The following NELL1 variants were observed in gnomAD, a reference collection of about 807,000 sequenced individuals.
NELL1 encodes protein kinase C-binding protein NELL1.
NELL1 carries 76 observed loss-of-function variants against 107.4 expected under a neutral mutation model. The observed-to-expected ratio is 0.71, with a 90% CI of 0.59 to 0.86. The LOEUF is 0.86. Among genes scored for constraint, NELL1 ranks in the 40% least tolerant of loss-of-function variants. The pLI is 0.00. For missense variants in NELL1, 1,024 were observed against 1,005.5 expected, an observed-to-expected ratio of 1.02 and a Z score of -0.25; for synonymous variants, 353 against 341.2, an observed-to-expected ratio of 1.03 and a Z score of -0.38.
intron 4 of NELL1, among the ~76,000 whole-genome samples, chr11:20,882,226 T>C (rs16906988): frequency 0.033 from 5,083 of 152,358 alleles, 164 homozygotes; most frequent in East Asian, 0.19. Context: ...GTTTGTGTTA[T>C]CAGCATTAGT....
At chr11:20,785,259 C>T (rs1011873592) in intron 3 of NELL1, among the ~76,000 whole-genome samples, 1 of 152,204 alleles carries the variant, frequency 6.6e-6, no homozygotes, top group Non-Finnish European at 1.5e-5. Flanking sequence ...TGTTCTCAGC[C>T]TCAAAGCGTG....
At chr11:21,555,394 G>A (rs745722896) in intron 16 of NELL1, among the ~76,000 whole-genome samples, 1 of 151,820 alleles carries the variant, frequency 6.6e-6, no homozygotes, top group African/African-American at 2.4e-5. Context: ...AGGGTCCCAC[G>A]GAAGCTTGCA....
intron 2 of NELL1, among the ~76,000 whole-genome samples, chr11:20,697,385 T>TAG (rs1854647345): frequency 6.9e-6 from 1 of 145,194 alleles, no homozygotes; most frequent in Non-Finnish European, 1.5e-5. Context: ...GCAAATTCTT[T>TAG]AATATGTTGC....
At chr11:21,070,709 G>A (rs1853991022) in intron 12 of NELL1, among the ~76,000 whole-genome samples, 1 of 152,084 alleles carries the variant, frequency 6.6e-6, no homozygotes, top group Non-Finnish European at 1.5e-5. Flanking sequence ...TATTATTTGA[G>A]TATAATGTTT....
chr11:21,287,309 A>G (rs1291513093), intron 14 of NELL1, among the ~76,000 whole-genome samples: 1 of 152,116 alleles, frequency 6.6e-6, no homozygotes. Flanking sequence ...CTGCAAGTAT[A>G]GCTTCCTAAC....
At chr11:21,317,354 CTTG>C (rs1849901176) in intron 14 of NELL1, among the ~76,000 whole-genome samples, 1 of 21,320 alleles carries the variant, frequency 4.7e-5, no homozygotes, top group Admixed American at 7.3e-4. Context: ...ATAAAGCTTC[CTTG>C]TTGTTTCATT....
intron 3 of NELL1, among the ~76,000 whole-genome samples, chr11:20,809,806 TTGTGAATAA>T: frequency 6.6e-6 from 1 of 152,356 alleles, no homozygotes; most frequent in Admixed American, 6.5e-5. Flanking sequence ...ATCTTGGCTA[TTGTGAATAA>T]TGCTATATGG....
chr11:21,420,351 A>G (rs534279266), intron 15 of NELL1, among the ~76,000 whole-genome samples: 1 of 152,000 alleles, frequency 6.6e-6, no homozygotes, highest in Admixed American at 6.6e-5. Context: ...AAAAGGAACA[A>G]AAATGATATA....
At chr11:21,250,820 G>A (rs1015840659) in intron 14 of NELL1, among the ~76,000 whole-genome samples, 2 of 152,134 alleles carry the variant, frequency 1.3e-5, no homozygotes, top group Admixed American at 6.5e-5. Flanking sequence ...GAAATAAATA[G>A]ATGAGGCTTC....
At chr11:21,370,763 A>C (rs1851339684) in intron 14 of NELL1, 90 bp from the exon 15 acceptor site, 1 of 966,544 alleles carries the variant, frequency 1.0e-6, no homozygotes. Context: ...CTATGCAACA[A>C]AGAAAGAATT....
intron 13 of NELL1, among the ~76,000 whole-genome samples, chr11:21,165,783 G>C (rs955647178): frequency 9.5e-6 from 1 of 105,426 alleles, no homozygotes; most frequent in African/African-American, 3.8e-5. Flanking sequence ...TTTTTTTTGA[G>C]ATTGAGTCTC....
intron 5 of NELL1, among the ~76,000 whole-genome samples, chr11:20,917,939 T>A (rs1850292795): frequency 6.6e-6 from 1 of 152,020 alleles, no homozygotes; most frequent in Admixed American, 6.6e-5. Flanking sequence ...TTTGGTGTTA[T>A]AATCTATAAT....
intron 2 of NELL1, among the ~76,000 whole-genome samples, chr11:20,708,951 C>G (rs962471186): frequency 2.0e-5 from 3 of 152,170 alleles, no homozygotes; most frequent in South Asian, 2.1e-4. Context: ...TTAAAAGGAG[C>G]ACACAACCTA....
intron 3 of NELL1, among the ~76,000 whole-genome samples, chr11:20,795,455 T>C (rs1374066888): frequency 6.6e-6 from 1 of 152,198 alleles, no homozygotes; most frequent in Admixed American, 6.5e-5. Context: ...CAAAGATGAG[T>C]CTGTCTTGCT....
intron 3 of NELL1, among the ~76,000 whole-genome samples, chr11:20,794,084 G>A (rs1007587003): frequency 7.9e-5 from 12 of 152,302 alleles, no homozygotes; most frequent in South Asian, 6.2e-4. Flanking sequence ...TGTAAGCATC[G>A]TAGGTATTGT....
At chr11:20,697,069 C>A (rs76434158) in intron 2 of NELL1, among the ~76,000 whole-genome samples, 240 of 152,178 alleles carry the variant, frequency 1.6e-3, no homozygotes, top group African/African-American at 5.6e-3. Context: ...AACCTCTAGG[C>A]CAAACTTACA....
At chr11:21,344,373 A>G (rs553901665) in intron 14 of NELL1, among the ~76,000 whole-genome samples, 6 of 152,196 alleles carry the variant, frequency 3.9e-5, no homozygotes, top group Admixed American at 2.0e-4. Flanking sequence ...TCAGTCATAC[A>G]TGTGGGCACT....
chr11:21,135,165 A>T (rs1461990008), intron 13 of NELL1, among the ~76,000 whole-genome samples: 1 of 152,202 alleles, frequency 6.6e-6, no homozygotes, highest in Non-Finnish European at 1.5e-5. Flanking sequence ...TCTTAAACTC[A>T]CAGAGTTCCT....
intron 3 of NELL1, among the ~76,000 whole-genome samples, chr11:20,844,508 C>G (rs1036449587): frequency 6.6e-6 from 1 of 152,170 alleles, no homozygotes; most frequent in Non-Finnish European, 1.5e-5. Flanking sequence ...CCCAGAGACT[C>G]TTGAAAAGAC....
Sources: allele counts gnomAD v4.1 joint callset (sites outside exome capture counted in the v4.1 genomes callset), GRCh38; gene constraint gnomAD v4.1.1; transcripts MANE v1.5; gene names NCBI Gene and HGNC (gene_info 2026-07-23, HGNC 2026-07-21).